The following ADCY9 variants were observed in gnomAD, a reference collection of about 807,000 sequenced individuals.
The protein encoded by ADCY9 is adenylate cyclase type 9.
ADCY9 carries 50 observed loss-of-function variants against 101.5 expected under a neutral mutation model. That is an observed-to-expected ratio of 0.49 (90% CI 0.39 to 0.62). The LOEUF is 0.62. Ranked by LOEUF, ADCY9 falls within the 20% of genes least tolerant of loss-of-function variation. The pLI, the probability that ADCY9 is intolerant of heterozygous loss-of-function variation, is 0.00. For missense variants in ADCY9, 1,662 were observed against 1,800.4 expected, an observed-to-expected ratio of 0.92 and a Z score of 1.39; for synonymous variants, 905 against 769.3, an observed-to-expected ratio of 1.18 and a Z score of -2.92.
chr16:4,062,071 C>T (rs1453800461), intron 2 of ADCY9, among the ~76,000 whole-genome samples: 1 of 152,166 alleles, frequency 6.6e-6, no homozygotes, highest in Non-Finnish European at 1.5e-5. Context: ...GTAATCCCAG[C>T]ACTTTGGGAG....
chr16:4,021,811 T>C (rs187151267), intron 2 of ADCY9, among the ~76,000 whole-genome samples: 1 of 152,164 alleles, frequency 6.6e-6, no homozygotes, highest in Non-Finnish European at 1.5e-5. Context: ...CAGACTCCAC[T>C]TCATCAGAAC....
intron 2 of ADCY9, among the ~76,000 whole-genome samples, chr16:4,038,596 G>A (rs2056606032): frequency 6.6e-6 from 1 of 152,156 alleles, no homozygotes. Flanking sequence ...AACGGACTGA[G>A]ATACCGTGTC....
chr16:3,980,049 AC>A (rs1209197052), intron 7 of ADCY9, among the ~76,000 whole-genome samples: 35 of 152,168 alleles, frequency 2.3e-4, no homozygotes, highest in Non-Finnish European at 4.6e-4. Flanking sequence ...AGACCACCAA[AC>A]CCGCACACGC....
At chr16:4,026,945 C>T (rs555209847) in intron 2 of ADCY9, among the ~76,000 whole-genome samples, 91 of 152,322 alleles carry the variant, frequency 6.0e-4, no homozygotes, top group Admixed American at 1.4e-3. Context: ...CTTTGCACCT[C>T]GTGGCAGATG....
intron 2 of ADCY9, among the ~76,000 whole-genome samples, chr16:4,027,746 C>A (rs546169467): frequency 1.6e-4 from 24 of 152,014 alleles, no homozygotes; most frequent in East Asian, 1.4e-3. Flanking sequence ...GTGTGGTGGT[C>A]CATGCCTGTA....
At chr16:4,028,591 G>A (rs117319561) in intron 2 of ADCY9, among the ~76,000 whole-genome samples, 1,803 of 152,294 alleles carry the variant, frequency 0.012, 15 homozygotes, top group Non-Finnish European at 0.018. Context: ...TTTGGGACTG[G>A]AAGCAGGTAT....
At chr16:4,107,535 A>G (rs1012769593) in intron 2 of ADCY9, among the ~76,000 whole-genome samples, 1 of 129,616 alleles carries the variant, frequency 7.7e-6, no homozygotes, top group Non-Finnish European at 1.6e-5. Context: ...TGGGTGACAC[A>G]GCCAGACTCT....
In ADCY9 at chr16:3,957,303, T is replaced by C. The variant is rs143266361; in HGVS notation, c.568-3787A>G. On this transcript the variant is annotated intron_variant, in intron 5 of 5. Transcript: ENST00000576936. ...GGGGCATCCTGAGGCCAGAGGAGGC[T>C]CCAGGGGTTTTCAGCTCGTTGGCAG... Among the ~76,000 whole-genome samples the C allele has an allele frequency of 5.5e-3, 842 of 152,304 alleles. 12 individuals are homozygous for C. The highest frequency in any genetic ancestry group is 0.019 in the African/African-American group (776 of 41,572).
intron 2 of ADCY9, among the ~76,000 whole-genome samples, chr16:4,053,453 T>C (rs1176944968): frequency 6.6e-6 from 1 of 152,174 alleles, no homozygotes; most frequent in Non-Finnish European, 1.5e-5. Flanking sequence ...CAGTTGGCAG[T>C]GTCCCCAGAG....
At chr16:4,060,502 G>A (rs962794132) in intron 2 of ADCY9, among the ~76,000 whole-genome samples, 6 of 152,090 alleles carry the variant, frequency 3.9e-5, no homozygotes, top group Admixed American at 2.0e-4. Flanking sequence ...CATATCCACC[G>A]CAAACTGTGA....
At chr16:3,960,653 C>T (rs866591773), downstream of ADCY9, among the ~76,000 whole-genome samples, 22 of 152,160 alleles carry the variant, frequency 1.4e-4, no homozygotes, top group African/African-American at 4.6e-4. Flanking sequence ...GTCCCCACCC[C>T]GGAAAAAAAA....
chr16:4,099,367 C>T (rs1464123183), intron 2 of ADCY9, among the ~76,000 whole-genome samples: 2 of 152,130 alleles, frequency 1.3e-5, no homozygotes, highest in African/African-American at 4.8e-5. Flanking sequence ...TTCCAAGGAA[C>T]TCGAAGATGC....
intron 2 of ADCY9, among the ~76,000 whole-genome samples, chr16:4,083,270 A>C (rs2056917107): frequency 6.6e-6 from 1 of 152,162 alleles, no homozygotes; most frequent in Non-Finnish European, 1.5e-5. Context: ...TTTTTTTAGA[A>C]AAATCACCTA....
At chr16:4,002,319 A>G (rs2531969) in intron 3 of ADCY9, among the ~76,000 whole-genome samples, 144,335 of 152,282 alleles carry the variant, frequency 0.95, 68,839 homozygotes, top group East Asian at 1. Flanking sequence ...AAATTGGGCC[A>G]ACTGAGCCTA....
rs761073743 is a variant in ADCY9, at chr16:3,966,600, C to T, written c.3237G>A (p.Lys1079=). The T allele has an allele frequency of 6.2e-7, 1 of 1,614,242 alleles. No homozygotes were observed. ...GCTCGTTGAGGACCCGGTAGCACTC[C>T]TTGCCGCCCTCGTAGTTCTCCTCGT... The part of the protein sequence containing the change: ...EFYEENYEGG[K]ECYRVLNELI... Residue 1079 remains lysine, a synonymous_variant, in exon 11 of 11, where the codon AAG becomes AAA. Coordinates refer to ENST00000294016, the MANE Select transcript of ADCY9 (RefSeq NM_001116.4).
At chr16:3,980,100 T>C (rs114581928) in intron 7 of ADCY9, among the ~76,000 whole-genome samples, 3 of 152,372 alleles carry the variant, frequency 2.0e-5, no homozygotes, top group African/African-American at 7.2e-5. Context: ...ATCGTGCATG[T>C]TCACCTCTAG....
At chr16:4,030,296 A>G (rs2056546308) in intron 2 of ADCY9, among the ~76,000 whole-genome samples, 3 of 152,170 alleles carry the variant, frequency 2.0e-5, no homozygotes, top group African/African-American at 7.2e-5. Context: ...ATACGTTGTG[A>G]TATGACCGAG....
chr16:3,961,315 G>A (rs1168906950), downstream of ADCY9, among the ~76,000 whole-genome samples: 1 of 152,028 alleles, frequency 6.6e-6, no homozygotes, highest in African/African-American at 2.4e-5. Flanking sequence ...TGGGCATGGT[G>A]TTGCGCACCT....
chr16:4,083,425 T>C (rs569736586), intron 2 of ADCY9, among the ~76,000 whole-genome samples: 37 of 152,230 alleles, frequency 2.4e-4, no homozygotes, highest in African/African-American at 7.9e-4. Context: ...GAAAATGGCA[T>C]AGCCACTTTA....
Sources: allele counts gnomAD v4.1 joint callset (sites outside exome capture counted in the v4.1 genomes callset), GRCh38; gene constraint gnomAD v4.1.1; transcripts MANE v1.5; gene names NCBI Gene and HGNC (gene_info 2026-07-23, HGNC 2026-07-21).